LPIN1: variants seen among roughly 807,000 people sequenced by gnomAD.
LPIN1 encodes the protein phosphatidate phosphatase LPIN1.
In LPIN1, 71 loss-of-function variants were observed where a neutral mutation model predicts 107.5. The ratio of observed to expected loss-of-function variants is 0.66; its 90% confidence interval spans 0.55 to 0.80. The LOEUF (loss-of-function observed/expected upper bound fraction) is 0.80, where lower values mean the gene tolerates loss of function less well. Among genes scored for constraint, LPIN1 ranks in the 30% least tolerant of loss-of-function variants. LPIN1 has a pLI of 0.00. For missense variants in LPIN1, 1,043 were observed against 1,160.6 expected (o/e 0.90, Z 1.47); for synonymous variants, 445 against 452.6 (o/e 0.98, Z 0.21).
chr2:11,766,925 C>G (rs1298404267), intron 2 of LPIN1, among the ~76,000 whole-genome samples: 1 of 152,202 alleles, frequency 6.6e-6, no homozygotes, highest in East Asian at 1.9e-4. Flanking sequence ...CCTGTCCTAT[C>G]TCCCATTCCA....
chr2:11,713,868 G>A, intron 2 of LPIN1: 1 of 1,214,068 alleles, frequency 8.2e-7, no homozygotes. Context: ...TAAGATTAGA[G>A]AAAATACTCC....
intron 1 of LPIN1, among the ~76,000 whole-genome samples, chr2:11,706,518 C>T (rs1663136504): frequency 6.6e-6 from 1 of 152,210 alleles, no homozygotes; most frequent in South Asian, 2.1e-4. Flanking sequence ...CAGAGGTGCA[C>T]ACATTAGAAG....
intron 14 of LPIN1, among the ~76,000 whole-genome samples, chr2:11,795,853 A>G (rs1393132629): frequency 1.3e-5 from 2 of 152,248 alleles, no homozygotes; most frequent in African/African-American, 4.8e-5. Context: ...TAACATGGAA[A>G]TAAGTTTCAC....
At chr2:11,681,627 C>G (rs1051225775) in intron 1 of LPIN1, 1 of 152,326 alleles carries the variant, frequency 6.6e-6, no homozygotes, top group African/African-American at 2.4e-5. Context: ...GGCTAGTACA[C>G]CCCCGTCGGC....
rs56187608 is a variant in LPIN1 at position 11,765,904 on chromosome 2, C to T, written c.192+171C>T. On this transcript the variant is annotated intron_variant, in intron 2 of 20. Transcript: ENST00000674199. This position sits in a 1 kb window ranked among gnomAD's most constrained non-coding sequence, Gnocchi z 4.4. ...ATTGAAATTATTCTAGTTAGTATGG[C>T]TGTGTAAATTAAAGTGCCGTGGCAC... is the stretch of plus-strand genomic sequence containing the variant. 0.028 allele frequency among the ~76,000 whole-genome samples: 4,269 copies of T among 152,284 alleles called. 200 individuals carry two copies. The highest frequency in any genetic ancestry group is 0.095 in the African/African-American group (3,946 of 41,528).
At chr2:11,822,212 C>T (rs2148737544) in intron 20 of LPIN1, among the ~76,000 whole-genome samples, 1 of 150,158 alleles carries the variant, frequency 6.7e-6, no homozygotes, top group African/African-American at 2.5e-5. Flanking sequence ...GGGTGGATCA[C>T]CTGAGGTCAG....
Position 11,701,079 on chromosome 2 carries a change from T to A in LPIN1, c.82-12677T>A, listed in dbSNP as rs558353313. On this transcript the variant is annotated intron_variant, in intron 1 of 21. Coordinates refer to the LPIN1 transcript ENST00000449576. ...TCACTGGCTATAAGGCCAAGGTTATTCTTGTCTCCTTGAAGCCTTTGCTTC... is the reference window on the plus strand; with the variant it reads ...TCACTGGCTATAAGGCCAAGGTTATACTTGTCTCCTTGAAGCCTTTGCTTC... 1.1e-3 allele frequency among the ~76,000 whole-genome samples: 169 copies of A among 152,304 alleles called. 1 individual carries two copies. The highest frequency in any genetic ancestry group is 3.8e-3 in the African/African-American group (159 of 41,586).
intron 1 of LPIN1, among the ~76,000 whole-genome samples, chr2:11,699,438 TG>T (rs1054649386): frequency 1.3e-5 from 2 of 151,014 alleles, no homozygotes; most frequent in African/African-American, 4.9e-5. Flanking sequence ...ATGGAGTCCC[TG>T]GGGGGGGCGT....
chr2:11,807,512 ATTT>A (rs557625077), intron 17 of LPIN1, among the ~76,000 whole-genome samples: 9 of 140,662 alleles, frequency 6.4e-5, no homozygotes, highest in African/African-American at 1.8e-4. Flanking sequence ...TTGCTTTTTA[ATTT>A]TTTTTTTTTT....
At chr2:11,730,478 G>A (rs918404539) in intron 1 of LPIN1, among the ~76,000 whole-genome samples, 1 of 152,184 alleles carries the variant, frequency 6.6e-6, no homozygotes. Context: ...GTCCATGTCT[G>A]ATAGTTCCAG....
At chr2:11,782,056 G>A in intron 7 of LPIN1, 145 bp from the exon 8 acceptor site, 1 of 677,700 alleles carries the variant, frequency 1.5e-6, no homozygotes, top group Non-Finnish European at 2.6e-6. Context: ...CTTTTTGGCA[G>A]GTATAGAAAT....
intron 1 of LPIN1, among the ~76,000 whole-genome samples, chr2:11,711,240 A>G (rs1470514632): frequency 6.6e-6 from 1 of 152,236 alleles, no homozygotes; most frequent in African/African-American, 2.4e-5. Context: ...CCCAAGTTGC[A>G]TGACTTTTTG....
intron 1 of LPIN1, among the ~76,000 whole-genome samples, chr2:11,734,075 T>C (rs1665540827): frequency 6.6e-6 from 1 of 152,238 alleles, no homozygotes; most frequent in South Asian, 2.1e-4. Flanking sequence ...GGAAAGAGTA[T>C]TGTGCATTTG....
At chr2:11,770,422 T>G (rs1444831336) in intron 3 of LPIN1, among the ~76,000 whole-genome samples, 2 of 152,142 alleles carry the variant, frequency 1.3e-5, no homozygotes, top group Non-Finnish European at 2.9e-5. Context: ...GCCCATTCCC[T>G]TCCAGCCCAC....
chr2:11,791,743 C>T (rs746341623), intron 12 of LPIN1, 171 bp from the exon 13 acceptor site: 33 of 1,462,950 alleles, frequency 2.3e-5, no homozygotes, highest in East Asian at 1.5e-4. Flanking sequence ...TAATTTTGGA[C>T]GCCATTAGGT....
intron 4 of LPIN1, 75 bp from the exon 5 acceptor site, chr2:11,773,545 A>C (rs1418444179): frequency 1.5e-6 from 2 of 1,343,194 alleles, no homozygotes; most frequent in East Asian, 2.3e-5. Flanking sequence ...AGAGCTAATC[A>C]AGAAAAAATT....
chr2:11,745,006 G>C (rs1054133250), upstream of LPIN1, among the ~76,000 whole-genome samples: 3 of 152,234 alleles, frequency 2.0e-5, no homozygotes, highest in African/African-American at 7.2e-5. Flanking sequence ...CGCGCCCCTG[G>C]ACAAAGCTCT....
intron 18 of LPIN1, chr2:11,817,723 A>C (rs1023785401): frequency 3.3e-5 from 5 of 152,136 alleles, no homozygotes; most frequent in African/African-American, 1.2e-4. Flanking sequence ...AGGTCAGGAG[A>C]TGGAGACCAT....
rs550615743 is a variant in LPIN1 at position 11,791,838 on chromosome 2, A to G, written c.1714-76A>G. On this transcript the variant is annotated intron_variant, in intron 12 of 20. Coordinates refer to ENST00000674199, the MANE Select transcript of LPIN1 (RefSeq NM_001349206.2). ...TTAAATCTTACTTTAATTTGCATGT[A>G]TGTTTCTTTTGGTTTGAATGTGCTA... 6.4e-6 allele frequency: 10 copies of G among 1,570,230 alleles called. No homozygotes were observed. The East Asian group carries it at 1.1e-4, about 18-fold the overall frequency.
Sources: gnomAD v4.1 joint callset for allele counts (sites outside exome capture counted in the v4.1 genomes callset) on GRCh38, gnomAD v4.1.1 for gene constraint, Gnocchi (gnomAD v3.1) non-coding constraint, MANE v1.5 for transcripts, NCBI Gene and HGNC (gene_info 2026-07-23, HGNC 2026-07-21) for gene names.